The following ATP8A2 variants were observed in gnomAD, a reference collection of about 807,000 sequenced individuals.
ATP8A2 encodes ATPase phospholipid transporting 8A2.
A neutral mutation model predicts 165.6 loss-of-function variants in ATP8A2; 100 were observed. The ratio of observed to expected loss-of-function variants is 0.60; its 90% confidence interval spans 0.51 to 0.71. The LOEUF (loss-of-function observed/expected upper bound fraction) is 0.71. Among genes scored for constraint, ATP8A2 ranks in the 30% least tolerant of loss-of-function variants. ATP8A2 has a pLI of 0.00. For synonymous variants in ATP8A2, 543 were observed against 548.8 expected (o/e 0.99, Z 0.15); for missense variants, 1,227 against 1,479.5 (o/e 0.83, Z 2.80).
intron 33 of ATP8A2, among the ~76,000 whole-genome samples, chr13:25,957,704 T>C (rs9511994): frequency 0.23 from 34,776 of 152,154 alleles, 4,152 homozygotes; most frequent in South Asian, 0.41. Context: ...AAAGACAGTG[T>C]GGTGATTCCT....
intron 8 of ATP8A2, among the ~76,000 whole-genome samples, chr13:25,540,727 AC>A (rs2038447695): frequency 6.6e-6 from 1 of 152,160 alleles, no homozygotes; most frequent in Non-Finnish European, 1.5e-5. Context: ...AGCTCCAGGT[AC>A]CCCAGTTTAC....
At chr13:25,646,117 C>T (rs2041663894) in intron 24 of ATP8A2, among the ~76,000 whole-genome samples, 1 of 152,134 alleles carries the variant, frequency 6.6e-6, no homozygotes, top group Non-Finnish European at 1.5e-5. Flanking sequence ...TGTGTATTTA[C>T]AATTGATATA....
chr13:25,520,739 C>A (rs1463867811), intron 2 of ATP8A2, among the ~76,000 whole-genome samples: 4 of 151,660 alleles, frequency 2.6e-5, no homozygotes, highest in Non-Finnish European at 4.4e-5. Context: ...GTAGCTGGGA[C>A]TACAGGTGCC....
chr13:25,808,133 CTTT>C (rs529926089), intron 27 of ATP8A2, among the ~76,000 whole-genome samples: 1 of 143,532 alleles, frequency 7.0e-6, no homozygotes, highest in Admixed American at 6.9e-5. Flanking sequence ...CTCCCCAAGA[CTTT>C]TTTTTTTTTT....
intron 24 of ATP8A2, among the ~76,000 whole-genome samples, chr13:25,604,985 T>C (rs1178761009): frequency 6.6e-6 from 1 of 152,220 alleles, no homozygotes. Context: ...GTTGGCTTTC[T>C]AAGTGAAGAA....
intron 2 of ATP8A2, among the ~76,000 whole-genome samples, chr13:25,486,507 A>T (rs960160637): frequency 6.6e-6 from 1 of 152,222 alleles, no homozygotes; most frequent in Non-Finnish European, 1.5e-5. Context: ...GACATGATGA[A>T]TTTTGATATT....
intron 15 of ATP8A2, among the ~76,000 whole-genome samples, chr13:25,562,584 A>G (rs191386553): frequency 5.0e-4 from 76 of 152,318 alleles, no homozygotes; most frequent in Admixed American, 1.6e-3. Context: ...CTTTTCATAA[A>G]AAGAACTTTC....
At chr13:25,685,280 A>G (rs1415644004) in intron 24 of ATP8A2, among the ~76,000 whole-genome samples, 1 of 152,194 alleles carries the variant, frequency 6.6e-6, no homozygotes, top group African/African-American at 2.4e-5. Context: ...GGGTGTTGGC[A>G]TAGTCTCTGA....
At chr13:25,762,538 CCTGCTCCTAGGT>C (rs2044404060) in intron 25 of ATP8A2, among the ~76,000 whole-genome samples, 1 of 152,126 alleles carries the variant, frequency 6.6e-6, no homozygotes, top group South Asian at 2.1e-4. Context: ...ACACTAATAG[CCTGCTCCTAGGT>C]CTGTTGTTTA....
At chr13:25,666,016 A>G (rs942795089) in intron 24 of ATP8A2, among the ~76,000 whole-genome samples, 3 of 151,508 alleles carry the variant, frequency 2.0e-5, no homozygotes, top group Non-Finnish European at 4.4e-5. Flanking sequence ...GGCCAATGGA[A>G]AGAACATCAA....
rs149317725 is a variant in ATP8A2, at chr13:25,400,618, C to T, written c.76+28330C>T. 1.1e-3 allele frequency among the ~76,000 whole-genome samples: 175 copies of T among 152,324 alleles called. 1 individual carries two copies. Among genetic ancestry groups the T allele is most frequent in the African/African-American group, 4.0e-3 (167 of 41,566 alleles). ...GATTCTGAACACCACTGAATCCTTTCCCGATGACTCCGGATTATTCTAATG... is the reference window on the plus strand; with the variant it reads ...GATTCTGAACACCACTGAATCCTTTTCCGATGACTCCGGATTATTCTAATG... On this transcript the variant is annotated intron_variant, in intron 1 of 36. Transcript: ENST00000381655.
At chr13:25,900,291 ATGGCAGTG>A (rs971314594) in intron 33 of ATP8A2, among the ~76,000 whole-genome samples, 81 of 152,308 alleles carry the variant, frequency 5.3e-4, no homozygotes, top group African/African-American at 1.9e-3. Context: ...TGTTCAAAAA[ATGGCAGTG>A]TTAGCATGAT....
chr13:25,490,115 G>A (rs2036476754), intron 2 of ATP8A2, among the ~76,000 whole-genome samples: 1 of 152,220 alleles, frequency 6.6e-6, no homozygotes, highest in Non-Finnish European at 1.5e-5. Context: ...TTGAGTAAGG[G>A]AAGTGTAGTA....
intron 24 of ATP8A2, among the ~76,000 whole-genome samples, chr13:25,696,205 T>G (rs1225724693): frequency 6.6e-6 from 1 of 152,222 alleles, no homozygotes; most frequent in East Asian, 1.9e-4. Context: ...GTGGGCTTAA[T>G]GTTCGGTAAA....
At chr13:25,653,724 G>C (rs60616244) in intron 24 of ATP8A2, among the ~76,000 whole-genome samples, 7,454 of 152,260 alleles carry the variant, frequency 0.049, 317 homozygotes, top group East Asian at 0.13. Flanking sequence ...ATGAATGCTT[G>C]CTTCAGCAAC....
chr13:25,650,640 A>G (rs895699612), intron 24 of ATP8A2, among the ~76,000 whole-genome samples: 6 of 152,200 alleles, frequency 3.9e-5, no homozygotes, highest in African/African-American at 1.4e-4. Flanking sequence ...CTAATGTTTT[A>G]CATTTAAGGA....
rs1050472692 is a variant in ATP8A2 at position 26,022,014 on chromosome 13, T to A, written c.*2029T>A. 2 of 152,102 alleles carry A rather than the reference T, an allele frequency of 1.3e-5. No individual in the cohort carries two copies. Among genetic ancestry groups the A allele is most frequent in the African/African-American group, 2.4e-5 (1 of 41,404 alleles). 9.4% of individuals were successfully genotyped at this position (152,102 alleles called of 1,614,324 possible). A position where few individuals can be genotyped will look rare whatever the true frequency, so the allele number is the denominator to read the frequency against. ...GAGGGCCTGAGGGGCAGCAGAACAA[T>A]GCAATTCACAGGTGAGGCTCCAAAA... is the stretch of plus-strand genomic sequence containing the variant. On this transcript the variant is annotated 3_prime_UTR_variant, in exon 37 of 37. Transcript: ENST00000381655.
chr13:25,884,080 G>A (rs1333132003), intron 33 of ATP8A2, among the ~76,000 whole-genome samples: 1 of 152,116 alleles, frequency 6.6e-6, no homozygotes. Context: ...ACCTGTCTAG[G>A]CCACCCTCAG....
At chr13:25,619,007 A>T (rs2040900271) in intron 24 of ATP8A2, among the ~76,000 whole-genome samples, 1 of 152,206 alleles carries the variant, frequency 6.6e-6, no homozygotes, top group African/African-American at 2.4e-5. Context: ...TCCTGCTGAA[A>T]CTAAGTAAGA....
Sources: gnomAD v4.1 joint callset for allele counts (sites outside exome capture counted in the v4.1 genomes callset) on GRCh38, gnomAD v4.1.1 for gene constraint, MANE v1.5 for transcripts, NCBI Gene and HGNC (gene_info 2026-07-23, HGNC 2026-07-21) for gene names.